TBC1D19: variants seen among roughly 807,000 people sequenced by gnomAD.
The protein encoded by TBC1D19 is TBC1 domain family, member 19.
TBC1D19 carries 60 observed loss-of-function variants against 89.0 expected under a neutral mutation model. The observed-to-expected ratio is 0.67, with a 90% confidence interval of 0.55 to 0.84. TBC1D19 has a LOEUF of 0.84. Ranked by LOEUF, TBC1D19 falls within the 40% of genes least tolerant of loss-of-function variation. TBC1D19 has a pLI of 0.00. For synonymous variants in TBC1D19, 189 were observed against 199.7 expected, an observed-to-expected ratio of 0.95 and a Z score of 0.45; for missense variants, 500 against 610.8, an observed-to-expected ratio of 0.82 and a Z score of 1.91.
chr4:26,680,444 T>G (rs906858779), intron 11 of TBC1D19, among the ~76,000 whole-genome samples: 4 of 152,214 alleles, frequency 2.6e-5, no homozygotes, highest in African/African-American at 7.2e-5. Context: ...CTTTTCTATC[T>G]TAGGAATAAA....
At chr4:26,737,702 T>C (rs1266545618) in intron 16 of TBC1D19, among the ~76,000 whole-genome samples, 2 of 152,108 alleles carry the variant, frequency 1.3e-5, no homozygotes, top group Non-Finnish European at 2.9e-5. Context: ...CAACCACTTA[T>C]TTAGAACCAG....
chr4:26,591,809 A>G (rs932525104), intron 1 of TBC1D19, among the ~76,000 whole-genome samples: 4 of 152,254 alleles, frequency 2.6e-5, no homozygotes, highest in Admixed American at 2.6e-4. Flanking sequence ...ATCTCTGAAT[A>G]GGCCAATAAC....
At chr4:26,605,267 T>C (rs564277765) in intron 1 of TBC1D19, among the ~76,000 whole-genome samples, 2 of 140,636 alleles carry the variant, frequency 1.4e-5, no homozygotes, top group South Asian at 4.8e-4. Context: ...TGTGTTCTCA[T>C]TGTTCAATTC....
the TBC1D19 span, among the ~76,000 whole-genome samples, chr4:26,781,297 G>A: frequency 1.3e-5 from 2 of 152,180 alleles, no homozygotes; most frequent in Non-Finnish European, 2.9e-5. Flanking sequence ...TTCTCTAGAG[G>A]TAAGGGGGGC....
At chr4:26,804,504 A>T in the TBC1D19 span, among the ~76,000 whole-genome samples, 5 of 152,242 alleles carry the variant, frequency 3.3e-5, no homozygotes, top group East Asian at 9.6e-4. Flanking sequence ...GCCTGAAGTC[A>T]GTCTGGGACG....
At chr4:26,850,134 C>T in the TBC1D19 span, among the ~76,000 whole-genome samples, 1 of 152,076 alleles carries the variant, frequency 6.6e-6, no homozygotes, top group Non-Finnish European at 1.5e-5. Flanking sequence ...TCCCAATTCC[C>T]CGTACCCCAG....
intron 13 of TBC1D19, among the ~76,000 whole-genome samples, chr4:26,697,897 C>A (rs1168794276): frequency 6.6e-6 from 1 of 152,152 alleles, no homozygotes; most frequent in Admixed American, 6.5e-5. Flanking sequence ...AAACCCACAG[C>A]CAATATCATA....
intron 13 of TBC1D19, among the ~76,000 whole-genome samples, chr4:26,690,990 A>C (rs1714224723): frequency 6.6e-6 from 1 of 152,216 alleles, no homozygotes; most frequent in South Asian, 2.1e-4. Context: ...TGCCATTAAG[A>C]ACATTTGTGA....
chr4:26,715,345 T>C (rs142282415), intron 13 of TBC1D19, among the ~76,000 whole-genome samples: 1 of 152,134 alleles, frequency 6.6e-6, no homozygotes, highest in East Asian at 1.9e-4. Context: ...CAAAATATCA[T>C]CTCAATCTAT....
intron 18 of TBC1D19, among the ~76,000 whole-genome samples, chr4:26,743,322 T>C (rs1207338194): frequency 6.6e-6 from 1 of 152,108 alleles, no homozygotes; most frequent in Non-Finnish European, 1.5e-5. Flanking sequence ...TAGTGGGAGA[T>C]AGAATAGTAT....
At chr4:26,588,502 A>C (rs1453817737) in intron 1 of TBC1D19, among the ~76,000 whole-genome samples, 4 of 151,854 alleles carry the variant, frequency 2.6e-5, no homozygotes, top group African/African-American at 9.7e-5. Flanking sequence ...ATTTAGGTGA[A>C]ATTTAAATTT....
intron 13 of TBC1D19, among the ~76,000 whole-genome samples, chr4:26,692,256 G>T (rs1376270214): frequency 6.6e-6 from 1 of 152,134 alleles, no homozygotes; most frequent in Admixed American, 6.5e-5. Context: ...CTCCATTGCA[G>T]ATGCTAAATT....
intron 13 of TBC1D19, among the ~76,000 whole-genome samples, chr4:26,708,761 C>T (rs1715930786): frequency 6.6e-6 from 1 of 152,038 alleles, no homozygotes; most frequent in African/African-American, 2.4e-5. Flanking sequence ...TTGAATCCCT[C>T]TACTGAGTTT....
chr4:26,595,263 C>T (rs1208318178), intron 1 of TBC1D19, among the ~76,000 whole-genome samples: 1 of 152,014 alleles, frequency 6.6e-6, no homozygotes, highest in African/African-American at 2.4e-5. Flanking sequence ...AGATCTTTTG[C>T]CCATTTTTTA....
chr4:26,659,775 C>T (rs1041491501), intron 8 of TBC1D19, 68 bp downstream of exon 8: 2 of 990,896 alleles, frequency 2.0e-6, no homozygotes, highest in African/African-American at 3.2e-5. Context: ...TTTAATACAG[C>T]ATGTATGTAA....
At chr4:26,774,720 A>G in the TBC1D19 span, among the ~76,000 whole-genome samples, 1 of 152,228 alleles carries the variant, frequency 6.6e-6, no homozygotes, top group Non-Finnish European at 1.5e-5. Context: ...TTTTCTACAT[A>G]AACGATAATA....
At chr4:26,593,498 T>G (rs1298266020) in intron 1 of TBC1D19, among the ~76,000 whole-genome samples, 2 of 152,136 alleles carry the variant, frequency 1.3e-5, no homozygotes, top group Admixed American at 6.5e-5. Context: ...TGTGATCTAA[T>G]TAAACTAAAG....
the TBC1D19 span, among the ~76,000 whole-genome samples, chr4:26,812,230 G>C: frequency 3.9e-5 from 6 of 152,128 alleles, no homozygotes; most frequent in South Asian, 1.2e-3. This position sits in a 1 kb window ranked among gnomAD's most constrained non-coding sequence, Gnocchi z 4.2. Flanking sequence ...TTGGTCCCAA[G>C]GCACATGACT....
intron 13 of TBC1D19, among the ~76,000 whole-genome samples, chr4:26,700,651 T>C (rs1715242226): frequency 6.6e-6 from 1 of 152,206 alleles, no homozygotes; most frequent in African/African-American, 2.4e-5. Context: ...AAAATTCTTT[T>C]ATCTCAAGAG....
Sources: allele counts gnomAD v4.1 joint callset (sites outside exome capture counted in the v4.1 genomes callset), GRCh38; gene constraint gnomAD v4.1.1; non-coding constraint Gnocchi (gnomAD v3.1); transcripts MANE v1.5; gene names NCBI Gene and HGNC (gene_info 2026-07-23, HGNC 2026-07-21).